The following PALLD variants were observed in gnomAD, a reference collection of about 807,000 sequenced individuals.
PALLD encodes the protein palladin.
A neutral mutation model predicts 123.5 loss-of-function variants in PALLD; 61 were observed. The observed-to-expected ratio is 0.49, with a 90% confidence interval of 0.40 to 0.61. The LOEUF (loss-of-function observed/expected upper bound fraction) is 0.61. PALLD is among the 20% of genes least tolerant of loss of function. The probability of loss-of-function intolerance (pLI) is 0.00; values close to 1 mark genes in which losing one functional copy is unlikely to be tolerated. For missense variants in PALLD, 1,273 were observed against 1,377.0 expected, an observed-to-expected ratio of 0.92 and a Z score of 1.20; for synonymous variants, 465 against 496.4, an observed-to-expected ratio of 0.94 and a Z score of 0.84.
At chr4:168,913,076 C>T (rs1052796015) in intron 15 of PALLD, among the ~76,000 whole-genome samples, 14 of 151,794 alleles carry the variant, frequency 9.2e-5, no homozygotes, top group Admixed American at 8.5e-4. Flanking sequence ...ATACTTCTTA[C>T]ATAACACTCA....
rs544925334 is a variant in PALLD, at chr4:168,804,552, A to G, written c.1965-86370A>G. On this transcript the variant is annotated intron_variant, in intron 10 of 21. Transcript: ENST00000505667. ...TGGTGATGACAAATTCGGATGCAAA[A>G]GTAAACAAATAGGCCCCCATCAGCC... is the stretch of plus-strand genomic sequence containing the variant. Among the ~76,000 whole-genome samples the G allele has an allele frequency of 6.3e-4, 96 of 152,356 alleles. 1 individual carries two copies. In the South Asian group the frequency reaches 0.019, roughly 30 times the overall value.
chr4:168,705,307 C>G lies in PALLD; in HGVS notation c.1502-3721C>G, dbSNP rs1784122267. On this transcript the variant is annotated intron_variant, in intron 8 of 21. Transcript: ENST00000505667. ...CTCAAAGGCAGGAACCATTAATTAT[C>G]TCCATATCTGCAGCTATAAAATATT... Among the ~76,000 whole-genome samples the G allele has an allele frequency of 2.0e-5, 3 of 152,308 alleles. No individual in the cohort carries two copies. The South Asian group carries it at 6.2e-4, about 32-fold the overall frequency.
chr4:168,855,779 C>T (rs1176373326), intron 10 of PALLD, among the ~76,000 whole-genome samples: 1 of 152,262 alleles, frequency 6.6e-6, no homozygotes, highest in Non-Finnish European at 1.5e-5. Context: ...CATGCTTGAA[C>T]ATTGCTCAAA....
intron 2 of PALLD, among the ~76,000 whole-genome samples, chr4:168,657,765 T>C (rs948334624): frequency 5.3e-5 from 8 of 152,106 alleles, no homozygotes; most frequent in Non-Finnish European, 1.0e-4. Context: ...CAGCCACATG[T>C]ACAGTAAGGA....
chr4:168,503,843 C>G (rs10003322), intron 1 of PALLD, among the ~76,000 whole-genome samples: 3,940 of 152,154 alleles, frequency 0.026, 172 homozygotes, highest in African/African-American at 0.09. Context: ...TCAGGCTGTC[C>G]ACGGGTATGT....
intron 2 of PALLD, among the ~76,000 whole-genome samples, chr4:168,660,456 C>T (rs962689472): frequency 6.6e-6 from 1 of 152,126 alleles, no homozygotes; most frequent in Non-Finnish European, 1.5e-5. Flanking sequence ...TGTAAAACAT[C>T]TTCTTGAATT....
chr4:168,667,620 T>C (rs1779779311), intron 2 of PALLD, among the ~76,000 whole-genome samples: 1 of 152,200 alleles, frequency 6.6e-6, no homozygotes, highest in Non-Finnish European at 1.5e-5. Context: ...ACAACTGCTA[T>C]ATCTCTCCAC....
intron 10 of PALLD, among the ~76,000 whole-genome samples, chr4:168,770,335 T>C (rs140403097): frequency 1.3e-5 from 2 of 152,328 alleles, no homozygotes; most frequent in Middle Eastern, 3.4e-3. Flanking sequence ...TGCTTTTGTG[T>C]GTACCCCTCT....
chr4:168,538,992 G>T (rs905479898), intron 2 of PALLD, among the ~76,000 whole-genome samples: 1 of 152,258 alleles, frequency 6.6e-6, no homozygotes, highest in East Asian at 1.9e-4. Flanking sequence ...TCTTATGGGC[G>T]TGAAAAACAG....
intron 2 of PALLD, among the ~76,000 whole-genome samples, chr4:168,642,016 G>GT (rs1158197262): frequency 6.6e-6 from 1 of 152,206 alleles, no homozygotes; most frequent in Non-Finnish European, 1.5e-5. Context: ...TCCATGAGTT[G>GT]TGTCTTCGTC....
chr4:168,659,838 C>A (rs1778959581), intron 2 of PALLD, among the ~76,000 whole-genome samples: 1 of 152,080 alleles, frequency 6.6e-6, no homozygotes, highest in Non-Finnish European at 1.5e-5. Flanking sequence ...TAAAGATAGC[C>A]AAAAGAAACT....
chr4:168,573,742 A>G (rs1483052624), intron 2 of PALLD, among the ~76,000 whole-genome samples: 1 of 152,152 alleles, frequency 6.6e-6, no homozygotes, highest in Non-Finnish European at 1.5e-5. Context: ...TGGTCTGTTC[A>G]TAAAGCATAA....
chr4:168,901,882 A>G (rs1278106928), intron 14 of PALLD, among the ~76,000 whole-genome samples: 1 of 152,192 alleles, frequency 6.6e-6, no homozygotes, highest in Non-Finnish European at 1.5e-5. Context: ...AACTACTAAA[A>G]AGTAAAATAA....
chr4:168,591,809 G>A (rs1359442063), intron 2 of PALLD, among the ~76,000 whole-genome samples: 16 of 151,910 alleles, frequency 1.1e-4, no homozygotes, highest in Admixed American at 1.0e-3. Flanking sequence ...TTATGTTAAT[G>A]ACTGAATTTA....
intron 12 of PALLD, among the ~76,000 whole-genome samples, chr4:168,895,584 T>G (rs12510322): frequency 0.53 from 79,932 of 152,078 alleles, 24,475 homozygotes; most frequent in East Asian, 0.88. Context: ...GAATAGAAGA[T>G]ACATTTACAA....
intron 8 of PALLD, among the ~76,000 whole-genome samples, chr4:168,696,270 C>T (rs1001302715): frequency 6.6e-6 from 1 of 152,134 alleles, no homozygotes; most frequent in African/African-American, 2.4e-5. Context: ...CCAGGACTCA[C>T]ATTCCAGCCT....
intron 1 of PALLD, among the ~76,000 whole-genome samples, chr4:168,508,644 G>C (rs1407528344): frequency 1.3e-5 from 2 of 151,992 alleles, no homozygotes; most frequent in Non-Finnish European, 2.9e-5. Flanking sequence ...TTTCTTTCAG[G>C]CCATAATAAA....
intron 2 of PALLD, among the ~76,000 whole-genome samples, chr4:168,580,403 T>C (rs1770126875): frequency 6.6e-6 from 1 of 151,904 alleles, no homozygotes; most frequent in Admixed American, 6.6e-5. Flanking sequence ...ATTAGAGTAA[T>C]GCAAATCAAA....
chr4:168,794,504 A>ATGCACACACATAGACATACGCGCACG (rs767827517), intron 10 of PALLD, among the ~76,000 whole-genome samples: 3 of 134,326 alleles, frequency 2.2e-5, no homozygotes, highest in Admixed American at 7.7e-5. Context: ...GCACACACAC[A>ATGCACACACATAGACATACGCGCACG]CGCACACACA....
Sources: gnomAD v4.1 joint callset for allele counts (sites outside exome capture counted in the v4.1 genomes callset) on GRCh38, gnomAD v4.1.1 for gene constraint, MANE v1.5 for transcripts, NCBI Gene and HGNC (gene_info 2026-07-23, HGNC 2026-07-21) for gene names.